The following EML6 variants were observed in gnomAD, a reference collection of about 807,000 sequenced individuals.
EML6 encodes the protein echinoderm microtubule-associated protein-like 6.
EML6 carries 154 observed loss-of-function variants against 240.1 expected under a neutral mutation model. The observed-to-expected ratio is 0.64, with a 90% CI of 0.56 to 0.73. EML6 has a LOEUF of 0.73. Among genes scored for constraint, EML6 ranks in the 30% least tolerant of loss-of-function variants. The pLI is 0.00. For missense variants in EML6, 2,964 were observed against 2,474.6 expected, an observed-to-expected ratio of 1.20 and a Z score of -4.20; for synonymous variants, 1,148 against 899.0, an observed-to-expected ratio of 1.28 and a Z score of -4.95.
intron 5 of EML6, among the ~76,000 whole-genome samples, chr2:54,822,411 G>C (rs1371149033): frequency 6.6e-6 from 1 of 152,142 alleles, no homozygotes; most frequent in African/African-American, 2.4e-5. Flanking sequence ...ATTGTTAGAA[G>C]TATGAACCAA....
chr2:54,802,657 C>CTACTACTACTACTACTAG (rs1434725107), intron 2 of EML6, among the ~76,000 whole-genome samples: 7 of 148,722 alleles, frequency 4.7e-5, no homozygotes, highest in African/African-American at 1.3e-4. Flanking sequence ...ACTACTACTA[C>CTACTACTACTACTACTAG]TACTACTACT....
rs575059084 is a variant in EML6 at position 54,859,813 on chromosome 2, T to C, written c.1825+112T>C. On this transcript the variant is annotated intron_variant, in intron 12 of 41. Transcript: ENST00000356458. ...GATTTAAGCAATTTTGGAAAATTGATTCCTGTAATCTTAAAATTTTAAGAT... is the reference window on the plus strand; with the variant it reads ...GATTTAAGCAATTTTGGAAAATTGACTCCTGTAATCTTAAAATTTTAAGAT... The C allele has an allele frequency of 5.7e-5, 47 of 824,242 alleles. No individual in the cohort carries two copies. The East Asian group carries it at 1.4e-3, about 24-fold the overall frequency. 51.1% of individuals were successfully genotyped at this position (824,242 alleles called of 1,614,324 possible).
intron 26 of EML6, among the ~76,000 whole-genome samples, chr2:54,922,683 A>T (rs1162767334): frequency 6.6e-6 from 1 of 152,230 alleles, no homozygotes; most frequent in African/African-American, 2.4e-5. Context: ...ATTATTGTGT[A>T]TATATACATA....
chr2:54,733,543 G>A (rs13428703), intron 2 of EML6, among the ~76,000 whole-genome samples: 26,603 of 152,032 alleles, frequency 0.17, 2,324 homozygotes, highest in Middle Eastern at 0.2. Context: ...ATTTCTCTTG[G>A]AAGTGTCCCT....
At chr2:54,812,700 C>T (rs1667909108) in intron 2 of EML6, among the ~76,000 whole-genome samples, 1 of 151,998 alleles carries the variant, frequency 6.6e-6, no homozygotes, top group Non-Finnish European at 1.5e-5. Context: ...AAAATGGAAA[C>T]TTTAACTTAA....
chr2:54,926,377 C>T (rs1477332985), intron 26 of EML6, among the ~76,000 whole-genome samples: 2 of 152,246 alleles, frequency 1.3e-5, no homozygotes, highest in Non-Finnish European at 2.9e-5. Context: ...GCTGGGATTA[C>T]AGGCATGAAC....
At chr2:54,866,718 GA>G (rs1670987977) in intron 13 of EML6, 47 bp from the exon 14 acceptor site, 1 of 1,073,092 alleles carries the variant, frequency 9.3e-7, no homozygotes, top group African/African-American at 1.6e-5. Flanking sequence ...GATATTTTTG[GA>G]ACCTGATGAA....
Position 54,850,066 on chromosome 2 carries a change from C to T in EML6, c.1292C>T (p.Pro431Leu), listed in dbSNP as rs1461844819. The change falls in exon 10 of 42, where the codon CCA (proline) becomes CTA (leucine). Residue 431 changes from proline to leucine, a missense_variant. Pro to Leu is a moderately conservative substitution (Grantham distance 98). Coordinates refer to ENST00000356458, the MANE Select transcript of EML6 (RefSeq NM_001039753.4). Reference protein sequence around the residue: ...SYLAVGSNDGPVDVYAVAQRY... With the variant: ...SYLAVGSNDGLVDVYAVAQRY... ...CTTGCAGTGGGATCCAATGATGGCC[C>T]AGTAGATGTCTATGCTGTTGCCCAG... 2 of 1,552,054 alleles carry T rather than the reference C, an allele frequency of 1.3e-6. No homozygotes were observed. Among genetic ancestry groups the T allele is most frequent in the Admixed American group, 2.0e-5 (1 of 51,010 alleles).
intron 28 of EML6, among the ~76,000 whole-genome samples, chr2:54,943,973 T>C (rs1308179955): frequency 2.6e-5 from 4 of 152,196 alleles, no homozygotes; most frequent in Non-Finnish European, 4.4e-5. Context: ...TCTCGCCTTT[T>C]TGAAAGAATC....
chr2:54,970,066 T>C lies in EML6; in HGVS notation c.5853-5T>C. The C allele has an allele frequency of 3.2e-6, 5 of 1,551,688 alleles. No individual in the cohort carries two copies. The highest frequency in any genetic ancestry group is 4.4e-6 in the Non-Finnish European group (5 of 1,146,958). On this transcript the variant is annotated splice_region_variant and splice_polypyrimidine_tract_variant and intron_variant, in intron 41 of 41. Coordinates refer to ENST00000356458, the MANE Select transcript of EML6 (RefSeq NM_001039753.4). Reference sequence around the variant, plus strand: ...GCAAAATGACTGTTTGATCTGCCTTTTCAGTGTATTTGTGTGGCGATGTCT... The same window carrying C: ...GCAAAATGACTGTTTGATCTGCCTTCTCAGTGTATTTGTGTGGCGATGTCT...
intron 10 of EML6, 27 bp downstream of exon 10, chr2:54,850,245 T>C: frequency 6.5e-7 from 1 of 1,541,038 alleles, no homozygotes. Flanking sequence ...CCTTGGATGT[T>C]TCTGGAAAGC....
chr2:54,901,714 G>C (rs962904550), intron 22 of EML6, among the ~76,000 whole-genome samples: 1 of 152,234 alleles, frequency 6.6e-6, no homozygotes, highest in African/African-American at 2.4e-5. Flanking sequence ...TTTTGAGCAT[G>C]AACACAGCTT....
chr2:54,956,785 G>T (rs1377464071), intron 32 of EML6, among the ~76,000 whole-genome samples: 1 of 152,128 alleles, frequency 6.6e-6, no homozygotes. Flanking sequence ...AAAAAAATAG[G>T]TGTGTGAATA....
At chr2:54,894,071 G>A (rs573901233) in intron 19 of EML6, among the ~76,000 whole-genome samples, 9 of 151,986 alleles carry the variant, frequency 5.9e-5, no homozygotes, top group African/African-American at 1.4e-4. Context: ...ATTTTCCTGG[G>A]TACAAATTCT....
intron 2 of EML6, among the ~76,000 whole-genome samples, chr2:54,754,760 G>A (rs1684327720): frequency 6.6e-6 from 1 of 151,902 alleles, no homozygotes; most frequent in Non-Finnish European, 1.5e-5. Flanking sequence ...CCCCAATTCA[G>A]GGTTATGTAA....
intron 2 of EML6, among the ~76,000 whole-genome samples, chr2:54,795,198 A>C (rs763152410): frequency 5.3e-5 from 8 of 152,184 alleles, no homozygotes; most frequent in Non-Finnish European, 8.8e-5. Context: ...AAATAGGTTT[A>C]ATTGACTCAC....
chr2:54,960,200 T>C lies in EML6; in HGVS notation c.4854-20T>C. 6.6e-7 allele frequency: 1 copy of C among 1,510,926 alleles called. No individual in the cohort carries two copies. The highest frequency in any genetic ancestry group is 9.0e-7 in the Non-Finnish European group (1 of 1,110,292). 93.6% of individuals were successfully genotyped at this position (1,510,926 alleles called of 1,614,324 possible). On this transcript the variant is annotated intron_variant, in intron 34 of 41. Coordinates refer to ENST00000356458, the MANE Select transcript of EML6 (RefSeq NM_001039753.4). ...TTAGGATGAGGGTTAACAGCCTGAGTCCCTTTCAATCTTTTTTAGGACCAA... is the reference window on the plus strand; with the variant it reads ...TTAGGATGAGGGTTAACAGCCTGAGCCCCTTTCAATCTTTTTTAGGACCAA...
chr2:54,851,668 A>C (rs1371587173), intron 10 of EML6, among the ~76,000 whole-genome samples: 1 of 152,196 alleles, frequency 6.6e-6, no homozygotes, highest in Non-Finnish European at 1.5e-5. Context: ...TGTTTAGTTC[A>C]TTATCCAAGT....
chr2:54,889,162 C>T (rs981478755), intron 17 of EML6, among the ~76,000 whole-genome samples: 3 of 152,172 alleles, frequency 2.0e-5, no homozygotes, highest in Non-Finnish European at 4.4e-5. Flanking sequence ...TCAGTCAACT[C>T]ATACACAGGT....
Sources: gnomAD v4.1 joint callset for allele counts (sites outside exome capture counted in the v4.1 genomes callset) on GRCh38, gnomAD v4.1.1 for gene constraint, MANE v1.5 for transcripts, NCBI Gene and HGNC (gene_info 2026-07-23, HGNC 2026-07-21) for gene names.